The following KCNIP1 variants were observed in gnomAD, a reference collection of about 807,000 sequenced individuals.
KCNIP1 encodes the protein A-type potassium channel modulatory protein KCNIP1.
Under a neutral mutation model 33.0 loss-of-function variants are expected in KCNIP1, and 18 were observed. The ratio of observed to expected loss-of-function variants is 0.55; its 90% confidence interval spans 0.38 to 0.81. KCNIP1 has a LOEUF of 0.81. Among genes scored for constraint, KCNIP1 ranks in the 30% least tolerant of loss-of-function variants. The pLI is 0.00. For missense variants in KCNIP1, 238 were observed against 271.6 expected (o/e 0.88, Z 0.87); for synonymous variants, 93 against 98.3 (o/e 0.95, Z 0.32).
At chr5:170,398,497 C>T (rs1339131930) in intron 1 of KCNIP1, among the ~76,000 whole-genome samples, 1 of 152,202 alleles carries the variant, frequency 6.6e-6, no homozygotes, top group African/African-American at 2.4e-5. Flanking sequence ...AAATATGTGT[C>T]TTTTGGCTAG....
At chr5:170,679,284 C>G (rs1762246705) in intron 1 of KCNIP1, 1 of 152,234 alleles carries the variant, frequency 6.6e-6, no homozygotes, top group Admixed American at 6.5e-5. Flanking sequence ...AATTAGTTTT[C>G]ATGAGATGCA....
intron 1 of KCNIP1, among the ~76,000 whole-genome samples, chr5:170,512,106 C>A (rs1190290610): frequency 6.6e-6 from 1 of 152,188 alleles, no homozygotes; most frequent in African/African-American, 2.4e-5. Context: ...GGCCAATTAG[C>A]AAATTCATTA....
At chr5:170,548,001 G>A (rs937903772) in intron 1 of KCNIP1, among the ~76,000 whole-genome samples, 2 of 152,038 alleles carry the variant, frequency 1.3e-5, no homozygotes, top group African/African-American at 2.4e-5. Flanking sequence ...GTATAACATC[G>A]CTCCTTTTTC....
At chr5:170,725,016 G>A (rs1273506171) in intron 5 of KCNIP1, among the ~76,000 whole-genome samples, 1 of 152,110 alleles carries the variant, frequency 6.6e-6, no homozygotes, top group Non-Finnish European at 1.5e-5. Flanking sequence ...AAAGTTGAAG[G>A]ACTAAACCTA....
At position 170,504,163 on chromosome 5, in the gene KCNIP1, G is replaced by A; in HGVS notation, c.-410G>A. 2 of 1,006,256 alleles carry A rather than the reference G, an allele frequency of 2.0e-6. No homozygotes were observed. The highest frequency in any genetic ancestry group is 1.2e-6 in the Non-Finnish European group (1 of 844,484). 62.3% of individuals were successfully genotyped at this position (1,006,256 alleles called of 1,614,324 possible). On this transcript the variant is annotated 5_prime_UTR_variant, in exon 1 of 8. The change creates a new upstream start codon in the 5' untranslated region. Transcript: ENST00000328939. This position sits in a 1 kb window ranked among gnomAD's most constrained non-coding sequence, Gnocchi z 6.0. The stretch of plus-strand genomic sequence containing the variant: ...GCCCGAGCGCAGGGAGGGGAGCCGA[G>A]TGTGCGGCAGGAGGGGCGGGCGGAC...
At chr5:170,373,006 C>A (rs1464296629) in intron 1 of KCNIP1, among the ~76,000 whole-genome samples, 8 of 152,186 alleles carry the variant, frequency 5.3e-5, no homozygotes, top group Non-Finnish European at 1.2e-4. Context: ...GAAGGAATCA[C>A]AAACGTGGTC....
At chr5:170,354,905 G>C (rs1156947168) in intron 1 of KCNIP1, among the ~76,000 whole-genome samples, 1 of 152,332 alleles carries the variant, frequency 6.6e-6, no homozygotes, top group South Asian at 2.1e-4. Flanking sequence ...GTCTTTGGGG[G>C]CTGGGGAGAG....
intron 1 of KCNIP1, among the ~76,000 whole-genome samples, chr5:170,599,056 A>G (rs1758587424): frequency 1.3e-5 from 2 of 152,058 alleles, no homozygotes; most frequent in Admixed American, 1.3e-4. Flanking sequence ...GCAGACCCAC[A>G]GGCTGCCGTG....
At chr5:170,438,420 C>T (rs371229597) in intron 1 of KCNIP1, among the ~76,000 whole-genome samples, 3 of 152,196 alleles carry the variant, frequency 2.0e-5, no homozygotes, top group Admixed American at 6.5e-5. Context: ...GGAGCTGGCC[C>T]AGAGGCAGCC....
chr5:170,405,327 TG>T (rs1383348844), intron 1 of KCNIP1, among the ~76,000 whole-genome samples: 3 of 152,106 alleles, frequency 2.0e-5, no homozygotes, highest in Non-Finnish European at 4.4e-5. Context: ...CCCAAGTAGC[TG>T]GGACTGCAGG....
chr5:170,355,058 G>T (rs1490488773), intron 1 of KCNIP1, among the ~76,000 whole-genome samples: 2 of 152,236 alleles, frequency 1.3e-5, no homozygotes, highest in Non-Finnish European at 2.9e-5. Context: ...CACCCAGCGG[G>T]TCTGGCCCAG....
rs1554088941 is a variant in KCNIP1, at chr5:170,390,517, A to ATATATATATATATATATATATAT, written c.88+36553_88+36554insTATATATATATATATATATATAT. ...GACCCCGTCTCAAAAAAAAAAAACA[A>ATATATATATATATATATATATAT]ATATATATATATATATATATATTTT... On this transcript the variant is annotated intron_variant, in intron 1 of 7. Transcript: ENST00000377360. Among the ~76,000 whole-genome samples, 49 of 74,456 alleles carry ATATATATATATATATATATATAT rather than the reference A, an allele frequency of 6.6e-4. 2 individuals are homozygous for ATATATATATATATATATATATAT. Among genetic ancestry groups the ATATATATATATATATATATATAT allele is most frequent in the African/African-American group, 1.6e-3 (25 of 15,568 alleles). 48.8% of individuals were successfully genotyped at this position (74,456 alleles called of 152,430 possible). A position where few individuals can be genotyped will look rare whatever the true frequency, so the allele number is the denominator to read the frequency against.
chr5:170,622,926 G>C (rs10070945), intron 1 of KCNIP1, among the ~76,000 whole-genome samples: 7 of 152,200 alleles, frequency 4.6e-5, no homozygotes, highest in Admixed American at 4.6e-4. Flanking sequence ...ATTTTTCCAC[G>C]GACAGGGTGT....
intron 1 of KCNIP1, among the ~76,000 whole-genome samples, chr5:170,450,732 G>C (rs545096598): frequency 6.6e-6 from 1 of 152,224 alleles, no homozygotes; most frequent in East Asian, 1.9e-4. Context: ...CTCTTTCTCT[G>C]GCCAACTTCT....
At chr5:170,379,143 G>A (rs1461372375) in intron 1 of KCNIP1, among the ~76,000 whole-genome samples, 1 of 152,176 alleles carries the variant, frequency 6.6e-6, no homozygotes, top group African/African-American at 2.4e-5. Flanking sequence ...TGGAGAGCAC[G>A]CTCTCATTTG....
intron 1 of KCNIP1, among the ~76,000 whole-genome samples, chr5:170,497,798 G>C (rs1280047231): frequency 6.6e-6 from 1 of 152,186 alleles, no homozygotes; most frequent in East Asian, 1.9e-4. Flanking sequence ...CTCCTTGCAG[G>C]ATCTGGGTAA....
chr5:170,483,075 G>A (rs1013601794), intron 1 of KCNIP1: 2 of 454,752 alleles, frequency 4.4e-6, no homozygotes, highest in African/African-American at 4.0e-5. Context: ...GTCAAAAGTG[G>A]AACTGGGGCC....
intron 1 of KCNIP1, among the ~76,000 whole-genome samples, chr5:170,614,219 G>A (rs972985693): frequency 2.6e-5 from 4 of 152,216 alleles, no homozygotes; most frequent in Admixed American, 6.5e-5. Flanking sequence ...TGCAGATGGG[G>A]CCATTGACAG....
chr5:170,599,424 A>G (rs755274596), intron 1 of KCNIP1, among the ~76,000 whole-genome samples: 4 of 152,100 alleles, frequency 2.6e-5, no homozygotes, highest in Non-Finnish European at 5.9e-5. Context: ...CACATCTCAA[A>G]TGAGATCAGG....
Sources: gnomAD v4.1 joint callset for allele counts (sites outside exome capture counted in the v4.1 genomes callset) on GRCh38, gnomAD v4.1.1 for gene constraint, Gnocchi (gnomAD v3.1) non-coding constraint, MANE v1.5 for transcripts, NCBI Gene and HGNC (gene_info 2026-07-23, HGNC 2026-07-21) for gene names.